Variants in SCFD1 observed in about 807,000 individuals in gnomAD.
SCFD1 encodes the protein sec1 family domain-containing protein 1.
A neutral mutation model predicts 103.2 loss-of-function variants in SCFD1; 37 were observed. That is an observed-to-expected ratio of 0.36 (90% confidence interval 0.28 to 0.47). The LOEUF (loss-of-function observed/expected upper bound fraction) is 0.47, where lower values mean the gene tolerates loss of function less well. Ranked by LOEUF, SCFD1 falls within the 20% of genes least tolerant of loss-of-function variation. The probability of loss-of-function intolerance (pLI) is 1.00; values close to 1 mark genes in which losing one functional copy is unlikely to be tolerated. For missense variants in SCFD1, 639 were observed against 761.2 expected (o/e 0.84, Z 1.89); for synonymous variants, 264 against 245.0 (o/e 1.08, Z -0.73).
intron 19 of SCFD1, among the ~76,000 whole-genome samples, chr14:30,710,794 G>C (rs1468313873): frequency 6.6e-6 from 1 of 152,102 alleles, no homozygotes; most frequent in South Asian, 2.1e-4. Flanking sequence ...AGAGGTAAGA[G>C]GTATCAAAGA....
At chr14:30,723,560 C>G (rs1257113608) in intron 23 of SCFD1, among the ~76,000 whole-genome samples, 1 of 152,164 alleles carries the variant, frequency 6.6e-6, no homozygotes, top group African/African-American at 2.4e-5. Context: ...TTCCCACCCT[C>G]CACCAGGCCC....
At chr14:30,674,634 ACT>A (rs200540329) in intron 13 of SCFD1, among the ~76,000 whole-genome samples, 1,982 of 150,512 alleles carry the variant, frequency 0.013, 43 homozygotes, top group African/African-American at 0.047. Flanking sequence ...GGCGACAGAG[ACT>A]CTGTCTCAAA....
At chr14:30,631,313 A>G (rs540397954) in intron 3 of SCFD1, among the ~76,000 whole-genome samples, 1 of 152,208 alleles carries the variant, frequency 6.6e-6, no homozygotes, top group Non-Finnish European at 1.5e-5. Context: ...AGACTGTGCC[A>G]CTGCACTCCA....
intron 10 of SCFD1, among the ~76,000 whole-genome samples, chr14:30,654,673 CA>C (rs397967329): frequency 0.014 from 1,164 of 82,384 alleles, 8 homozygotes; most frequent in African/African-American, 0.027. Flanking sequence ...GACCTAGTCT[CA>C]AAAAAAAAAA....
At chr14:30,627,264 G>A (rs1045962059) in intron 1 of SCFD1, among the ~76,000 whole-genome samples, 2 of 152,158 alleles carry the variant, frequency 1.3e-5, no homozygotes, top group South Asian at 2.1e-4. Flanking sequence ...TGCTTAGCTG[G>A]AATTATCAGT....
intron 20 of SCFD1, among the ~76,000 whole-genome samples, chr14:30,717,813 G>C (rs1892383190): frequency 6.6e-6 from 1 of 151,184 alleles, no homozygotes; most frequent in Admixed American, 6.6e-5. Context: ...GAACCTGGGA[G>C]GTAGAGTTTG....
rs143147820 is a variant in SCFD1, at chr14:30,675,175, A to G, written c.1242+110A>G. 1,240 of 495,216 alleles carry G rather than the reference A, an allele frequency of 2.5e-3. 3 individuals are homozygous for G. The highest frequency in any genetic ancestry group is 3.7e-3 in the Non-Finnish European group (1,020 of 279,190). The allele number at this position is 495,216 out of a possible 1,614,324, so 30.7% of individuals were successfully genotyped here. A position where few individuals can be genotyped will look rare whatever the true frequency, so the allele number is the denominator to read the frequency against. On this transcript the variant is annotated intron_variant, in intron 14 of 24. Coordinates refer to ENST00000458591, the MANE Select transcript of SCFD1 (RefSeq NM_016106.4). ...CTTATTGAGTCCCCACTGTAACATG[A>G]AGTATAATTATGGAAGACAGCAGTA...
intron 10 of SCFD1, among the ~76,000 whole-genome samples, chr14:30,667,931 T>G (rs1888158686): frequency 6.6e-6 from 1 of 152,230 alleles, no homozygotes; most frequent in Non-Finnish European, 1.5e-5. Flanking sequence ...GAACATTCCA[T>G]GCTCATGGAT....
chr14:30,631,697 T>TA (rs936362055), intron 3 of SCFD1, among the ~76,000 whole-genome samples: 2 of 152,202 alleles, frequency 1.3e-5, no homozygotes, highest in African/African-American at 4.8e-5. Context: ...TTGCTTCTGA[T>TA]ATGTTTAATA....
intron 14 of SCFD1, among the ~76,000 whole-genome samples, chr14:30,677,131 A>C (rs990675700): frequency 1.3e-5 from 2 of 152,146 alleles, no homozygotes; most frequent in African/African-American, 2.4e-5. Context: ...CAAGATATTG[A>C]GTGATTTTAT....
At chr14:30,684,728 C>CTTTTTTTTT (rs766941201) in intron 14 of SCFD1, among the ~76,000 whole-genome samples, 1 of 56,904 alleles carries the variant, frequency 1.8e-5, no homozygotes, top group Non-Finnish European at 3.7e-5. Context: ...CTCACTTATT[C>CTTTTTTTTT]TTTTTTTTTT....
At chr14:30,648,812 G>T (rs1886109910) in intron 7 of SCFD1, among the ~76,000 whole-genome samples, 1 of 152,000 alleles carries the variant, frequency 6.6e-6, no homozygotes. Context: ...TGTAGAGACA[G>T]AGTTTTGCCA....
At chr14:30,722,314 C>T (rs933897186) in intron 22 of SCFD1, among the ~76,000 whole-genome samples, 180 bp from the exon 23 acceptor site, 2 of 152,094 alleles carry the variant, frequency 1.3e-5, no homozygotes, top group Admixed American at 6.5e-5. Flanking sequence ...ATCTCTTCTT[C>T]ATACTACTCA....
intron 24 of SCFD1, among the ~76,000 whole-genome samples, chr14:30,735,314 T>C (rs1047403274): frequency 1.9e-4 from 29 of 152,190 alleles, no homozygotes; most frequent in African/African-American, 6.5e-4. Flanking sequence ...AGACAGTCTC[T>C]TGCTATGTTG....
intron 18 of SCFD1, chr14:30,707,669 A>C: frequency 2.9e-6 from 1 of 340,044 alleles, no homozygotes; most frequent in South Asian, 2.5e-5. Flanking sequence ...AATTCTCTTC[A>C]AATTATAACT....
intron 14 of SCFD1, among the ~76,000 whole-genome samples, chr14:30,680,211 T>G (rs1176771812): frequency 6.6e-6 from 1 of 152,308 alleles, no homozygotes; most frequent in Middle Eastern, 3.4e-3. Flanking sequence ...TTTAATAGGT[T>G]CATAAAGATT....
At chr14:30,731,382 G>A (rs924980009) in intron 23 of SCFD1, among the ~76,000 whole-genome samples, 3 of 152,124 alleles carry the variant, frequency 2.0e-5, no homozygotes, top group Non-Finnish European at 4.4e-5. Context: ...TTCCAATTCT[G>A]TGAAGAAAGT....
intron 15 of SCFD1, among the ~76,000 whole-genome samples, chr14:30,698,681 C>A (rs979005471): frequency 6.6e-6 from 1 of 151,834 alleles, no homozygotes; most frequent in Non-Finnish European, 1.5e-5. Context: ...GCGGCAGTTA[C>A]GGCAGGAAGT....
intron 7 of SCFD1, among the ~76,000 whole-genome samples, chr14:30,646,963 C>G (rs1347661910): frequency 6.6e-6 from 1 of 151,762 alleles, no homozygotes; most frequent in African/African-American, 2.4e-5. Flanking sequence ...ATAATGTTAC[C>G]CTTGTCATTT....
Sources: allele counts gnomAD v4.1 joint callset (sites outside exome capture counted in the v4.1 genomes callset), GRCh38; gene constraint gnomAD v4.1.1; transcripts MANE v1.5; gene names NCBI Gene and HGNC (gene_info 2026-07-23, HGNC 2026-07-21).